Variants in ADCY2 observed in about 807,000 individuals in gnomAD.
ADCY2 encodes the protein adenylate cyclase 2, also known as adenylate cyclase type 2.
ADCY2 carries 31 observed loss-of-function variants against 125.2 expected under a neutral mutation model. The ratio of observed to expected loss-of-function variants is 0.25; its 90% confidence interval spans 0.19 to 0.33. The LOEUF (loss-of-function observed/expected upper bound fraction) is 0.33. Among genes scored for constraint, ADCY2 ranks in the 10% least tolerant of loss-of-function variants. The pLI, the probability that ADCY2 is intolerant of heterozygous loss-of-function variation, is 1.00. For missense variants in ADCY2, 904 were observed against 1,418.2 expected (o/e 0.64, Z 5.82); for synonymous variants, 512 against 548.4 (o/e 0.93, Z 0.93).
At chr5:7,672,363 C>A (rs1739963961) in intron 4 of ADCY2, among the ~76,000 whole-genome samples, 1 of 152,130 alleles carries the variant, frequency 6.6e-6, no homozygotes, top group South Asian at 2.1e-4. Context: ...GTCTGCAATG[C>A]CTTTAACTTT....
intron 3 of ADCY2, among the ~76,000 whole-genome samples, chr5:7,560,247 A>G (rs1303389167): frequency 1.3e-5 from 2 of 152,214 alleles, no homozygotes; most frequent in African/African-American, 4.8e-5. Context: ...ATGTGTGGAA[A>G]GAGACTGGAT....
Position 7,804,710 on chromosome 5 carries a change from C to T in ADCY2, c.2883+18C>T, listed in dbSNP as rs374250967. ...ACTCCCAGGTAAGACGCGTTGGCCA[C>T]TTAACGGCACAGGTGAGCCTCAACC... On this transcript the variant is annotated intron_variant, in intron 22 of 24. Coordinates refer to ENST00000338316, the MANE Select transcript of ADCY2 (RefSeq NM_020546.3). 2.5e-6 allele frequency: 4 copies of T among 1,594,752 alleles called. No homozygotes were observed. In the African/African-American group the frequency reaches 4.0e-5, roughly 16 times the overall value.
At chr5:7,826,604 G>C in intron 24 of ADCY2, 115 bp from the exon 25 acceptor site, 1 of 1,346,462 alleles carries the variant, frequency 7.4e-7, no homozygotes, top group East Asian at 2.3e-5. Context: ...CTTCTCAGGA[G>C]TGGAATTCCT....
At position 7,626,155 on chromosome 5, in the gene ADCY2, C is replaced by T; in HGVS notation, c.571-12C>T. The T allele has an allele frequency of 6.2e-7, 1 of 1,608,140 alleles. No homozygotes were observed. The highest frequency in any genetic ancestry group is 8.5e-7 in the Non-Finnish European group (1 of 1,178,278). On this transcript the variant is annotated splice_polypyrimidine_tract_variant and intron_variant, in intron 3 of 24. Transcript: ENST00000338316. ...CAGTTACCCTATTGAGCAGCTCTTT[C>T]TGTCTCTTTAGATCCTGGCCAATGT...
chr5:7,602,593 T>C (rs10059438), intron 3 of ADCY2, among the ~76,000 whole-genome samples: 7,957 of 152,246 alleles, frequency 0.052, 606 homozygotes, highest in African/African-American at 0.17. Flanking sequence ...AGAAATTCCC[T>C]CTTAAATTTC....
At chr5:7,682,224 G>A (rs1258616749) in intron 4 of ADCY2, among the ~76,000 whole-genome samples, 5 of 152,182 alleles carry the variant, frequency 3.3e-5, no homozygotes, top group Admixed American at 2.0e-4. Context: ...TGAATTAAGA[G>A]CACACTGTCT....
chr5:7,811,373 C>T (rs545875358), intron 22 of ADCY2, among the ~76,000 whole-genome samples: 8 of 151,952 alleles, frequency 5.3e-5, no homozygotes, highest in African/African-American at 1.2e-4. Flanking sequence ...TGGTGGCAGG[C>T]GCCTGTAGTC....
intron 4 of ADCY2, among the ~76,000 whole-genome samples, chr5:7,645,283 G>T (rs1306470587): frequency 6.6e-6 from 1 of 152,160 alleles, no homozygotes; most frequent in East Asian, 1.9e-4. Context: ...TTTATATCAG[G>T]ATAGATGGAT....
chr5:7,587,766 T>C (rs563505749), intron 3 of ADCY2, among the ~76,000 whole-genome samples: 2 of 152,186 alleles, frequency 1.3e-5, no homozygotes, highest in Non-Finnish European at 2.9e-5. Context: ...GGGAAAGATT[T>C]GGAGAAGGAG....
chr5:7,628,532 A>G (rs975781423), intron 4 of ADCY2, among the ~76,000 whole-genome samples: 1 of 152,164 alleles, frequency 6.6e-6, no homozygotes. Context: ...TTAGAAAGAC[A>G]TGCATCTACT....
intron 15 of ADCY2, among the ~76,000 whole-genome samples, chr5:7,745,926 A>T (rs1230545153): frequency 6.6e-6 from 1 of 152,188 alleles, no homozygotes; most frequent in African/African-American, 2.4e-5. Flanking sequence ...TATCTCAGGA[A>T]CAACTCTGCT....
chr5:7,564,470 C>G (rs889882215), intron 3 of ADCY2, among the ~76,000 whole-genome samples: 2 of 152,152 alleles, frequency 1.3e-5, no homozygotes, highest in African/African-American at 4.8e-5. Flanking sequence ...AACCCATTCA[C>G]TCCTCACAGG....
At chr5:7,632,502 G>A (rs1738349439) in intron 4 of ADCY2, among the ~76,000 whole-genome samples, 1 of 151,916 alleles carries the variant, frequency 6.6e-6, no homozygotes, top group Non-Finnish European at 1.5e-5. Context: ...TTAAGCCAGT[G>A]TTGGTTATTG....
At chr5:7,585,061 C>T (rs1223503948) in intron 3 of ADCY2, among the ~76,000 whole-genome samples, 1 of 152,148 alleles carries the variant, frequency 6.6e-6, no homozygotes, top group African/African-American at 2.4e-5. Context: ...GCTATGGGCA[C>T]AGACATAGTA....
chr5:7,518,968 C>T (rs1744347727), intron 2 of ADCY2, among the ~76,000 whole-genome samples: 2 of 152,172 alleles, frequency 1.3e-5, no homozygotes. Context: ...CACAGGCTTG[C>T]AGAATGAATG....
chr5:7,451,811 T>C (rs765276854), intron 2 of ADCY2, among the ~76,000 whole-genome samples: 3 of 152,200 alleles, frequency 2.0e-5, no homozygotes, highest in Non-Finnish European at 4.4e-5. Flanking sequence ...CAGTGGTTTT[T>C]GGTTAGATAG....
At chr5:7,767,853 AC>A (rs1436008582) in intron 17 of ADCY2, among the ~76,000 whole-genome samples, 1 of 151,760 alleles carries the variant, frequency 6.6e-6, no homozygotes, top group Non-Finnish European at 1.5e-5. Context: ...ACACGGTGAA[AC>A]CCCGTCTCTA....
intron 3 of ADCY2, among the ~76,000 whole-genome samples, chr5:7,585,187 T>C (rs1397097174): frequency 6.6e-6 from 1 of 152,176 alleles, no homozygotes; most frequent in African/African-American, 2.4e-5. Flanking sequence ...ATGTTCACAT[T>C]CATTTTCTAC....
At chr5:7,636,822 G>A (rs1738521062) in intron 4 of ADCY2, among the ~76,000 whole-genome samples, 1 of 152,112 alleles carries the variant, frequency 6.6e-6, no homozygotes, top group Non-Finnish European at 1.5e-5. Context: ...GTCACCAGTG[G>A]CCTGGACAAT....
Sources: allele counts gnomAD v4.1 joint callset (sites outside exome capture counted in the v4.1 genomes callset), GRCh38; gene constraint gnomAD v4.1.1; transcripts MANE v1.5; gene names NCBI Gene and HGNC (gene_info 2026-07-23, HGNC 2026-07-21).